Variants in PACSIN1 observed in about 807,000 individuals in gnomAD.
PACSIN1 encodes protein kinase C and casein kinase substrate in neurons 1.
In PACSIN1, 15 loss-of-function variants were observed where a neutral mutation model predicts 59.5. That is an observed-to-expected ratio of 0.25 (90% CI 0.17 to 0.39). PACSIN1 has a LOEUF of 0.39. PACSIN1 is among the 10% of genes least tolerant of loss of function. PACSIN1 has a pLI of 1.00. For missense variants in PACSIN1, 420 were observed against 580.2 expected (o/e 0.72, Z 2.84); for synonymous variants, 210 against 220.6 (o/e 0.95, Z 0.42).
rs1338798635 is a variant in PACSIN1 at position 34,516,317 on chromosome 6, A to C, written c.-63-9926A>C. On this transcript the variant is annotated intron_variant, in intron 1 of 9. Coordinates refer to ENST00000244458, the MANE Select transcript of PACSIN1 (RefSeq NM_020804.5). This position sits in a 1 kb window ranked among gnomAD's most constrained non-coding sequence, Gnocchi z 5.4. ...TCATTTCTGCAAACGTTAGACGCAC[A>C]TTCACAGAGTGCTGGACTCAGGGGC... 6.6e-6 allele frequency among the ~76,000 whole-genome samples: 1 copy of C among 152,182 alleles called. No homozygotes were observed. The highest frequency in any genetic ancestry group is 1.5e-5 in the Non-Finnish European group (1 of 68,012).
intron 1 of PACSIN1, among the ~76,000 whole-genome samples, chr6:34,510,338 C>T (rs902083987): frequency 6.6e-6 from 1 of 152,230 alleles, no homozygotes; most frequent in African/African-American, 2.4e-5. Context: ...AATGGCTTCC[C>T]TTCATACTTA....
At chr6:34,494,991 A>C (rs1766927667) in intron 1 of PACSIN1, among the ~76,000 whole-genome samples, 1 of 152,004 alleles carries the variant, frequency 6.6e-6, no homozygotes, top group African/African-American at 2.4e-5. Context: ...CATTCAAGTC[A>C]TTTGGCTCAG....
chr6:34,526,394 CG>C (rs1561970220), intron 2 of PACSIN1, 26 bp downstream of exon 2: 1 of 1,601,908 alleles, frequency 6.2e-7, no homozygotes, highest in South Asian at 1.1e-5. Context: ...TCCCCAGGTT[CG>C]GGGACCAGAC....
At chr6:34,478,441 C>T (rs560680368) in intron 1 of PACSIN1, among the ~76,000 whole-genome samples, 8 of 142,208 alleles carry the variant, frequency 5.6e-5, no homozygotes, top group Admixed American at 3.8e-4. Context: ...GGCACGATCT[C>T]GGCTCACTTC....
chr6:34,512,032 A>AGT (rs147564267), intron 1 of PACSIN1, among the ~76,000 whole-genome samples: 15 of 151,072 alleles, frequency 9.9e-5, no homozygotes, highest in Admixed American at 4.6e-4. Flanking sequence ...TTGGGCATGG[A>AGT]GTGTGTGTGT....
At position 34,503,266 on chromosome 6, in the gene PACSIN1, CAAAAAAA is replaced by C. The variant is rs200906223; in HGVS notation, c.-63-22969_-63-22963del. The stretch of plus-strand genomic sequence containing the variant: ...CCTCAGCATCAGAGCGAGATCCTGT[CAAAAAAA>C]AAAAAAAGAAAAAGAAAAAGAAAAA... On this transcript the variant is annotated intron_variant, in intron 1 of 9. Transcript: ENST00000244458. 1.3e-4 allele frequency among the ~76,000 whole-genome samples: 9 copies of C among 68,632 alleles called. No homozygotes were observed. The East Asian group carries it at 1.8e-3, about 13-fold the overall frequency. 45.0% of individuals were successfully genotyped at this position (68,632 alleles called of 152,430 possible). A position where few individuals can be genotyped will look rare whatever the true frequency, so the allele number is the denominator to read the frequency against.
In PACSIN1 at chr6:34,531,598, A is replaced by T; in HGVS notation, c.1038-2A>T. On this transcript the variant is annotated splice_acceptor_variant, in intron 8 of 9. Coordinates refer to ENST00000244458, the MANE Select transcript of PACSIN1 (RefSeq NM_020804.5). LOFTEE classifies it high-confidence loss of function. This position sits in a 1 kb window ranked among gnomAD's most constrained non-coding sequence, Gnocchi z 4.4. ...AAGCTGGCTCCTTCCTCCGCGTCTC[A>T]GTGTTAGCAGCTACGACAGAGGCCA... is the stretch of plus-strand genomic sequence containing the variant. 3 of 1,613,414 alleles carry T rather than the reference A, an allele frequency of 1.9e-6. No individual in the cohort carries two copies. Among genetic ancestry groups the T allele is most frequent in the Non-Finnish European group, 2.5e-6 (3 of 1,179,770 alleles).
intron 1 of PACSIN1, among the ~76,000 whole-genome samples, chr6:34,470,157 G>A (rs1581953387): frequency 6.6e-6 from 1 of 152,070 alleles, no homozygotes; most frequent in East Asian, 1.9e-4. Context: ...AAAACTGGGA[G>A]GGCAGGGGAG....
intron 1 of PACSIN1, among the ~76,000 whole-genome samples, chr6:34,497,237 C>T (rs1438503958): frequency 2.0e-5 from 3 of 151,908 alleles, no homozygotes; most frequent in Admixed American, 1.3e-4. Context: ...GGCTGAGCCC[C>T]GCGCCCAGCC....
Position 34,532,399 on chromosome 6 carries a change from C to T in PACSIN1, c.1226-22C>T. ...GAGGGGCAGCCTTCTCTCTGAGCCC[C>T]TCCCTGTGTTCTCTTTCCCAGGAGA... is the stretch of plus-strand genomic sequence containing the variant. On this transcript the variant is annotated intron_variant, in intron 9 of 9. Transcript: ENST00000244458. This position sits in a 1 kb window ranked among gnomAD's most constrained non-coding sequence, Gnocchi z 5.2. The T allele has an allele frequency of 6.6e-7, 1 of 1,515,030 alleles. No individual in the cohort carries two copies. The highest frequency in any genetic ancestry group is 1.2e-5 in the South Asian group (1 of 83,462). 93.8% of individuals were successfully genotyped at this position (1,515,030 alleles called of 1,614,324 possible). A position where few individuals can be genotyped will look rare whatever the true frequency, so the allele number is the denominator to read the frequency against.
rs1026161677 is a variant in PACSIN1 at position 34,531,899 on chromosome 6, G to A, written c.1225+112G>A. The A allele has an allele frequency of 1.1e-5, 11 of 1,030,538 alleles. No homozygotes were observed. The African/African-American group carries it at 1.2e-4, about 11-fold the overall frequency. 63.8% of individuals were successfully genotyped at this position (1,030,538 alleles called of 1,614,324 possible). A position where few individuals can be genotyped will look rare whatever the true frequency, so the allele number is the denominator to read the frequency against. On this transcript the variant is annotated intron_variant, in intron 9 of 9. Transcript: ENST00000244458. This position sits in a 1 kb window ranked among gnomAD's most constrained non-coding sequence, Gnocchi z 4.4. ...AGCTTGGGTCTGGATTGGGTGTGTG[G>A]TGGTGCAGGGGCGGTGCCTGAGAGA...
Position 34,532,913 on chromosome 6 carries a change from G to A in PACSIN1, c.*383G>A, listed in dbSNP as rs771445373. On this transcript the variant is annotated 3_prime_UTR_variant, in exon 10 of 10. Coordinates refer to ENST00000244458, the MANE Select transcript of PACSIN1 (RefSeq NM_020804.5). This position sits in a 1 kb window ranked among gnomAD's most constrained non-coding sequence, Gnocchi z 5.2. ...GCTGCCGGCACCTGCCCCATTCCCT[G>A]GCCTGGTTTCCTAACCTCTTCTTCC... The A allele has an allele frequency of 1.6e-4, 28 of 171,636 alleles. 1 individual carries two copies. Among genetic ancestry groups the A allele is most frequent in the Middle Eastern group, 2.5e-3 (1 of 400 alleles). The allele number at this position is 171,636 out of a possible 1,614,324, so 10.6% of individuals were successfully genotyped here.
At chr6:34,468,629 T>C (rs1356520177) in intron 1 of PACSIN1, among the ~76,000 whole-genome samples, 1 of 152,176 alleles carries the variant, frequency 6.6e-6, no homozygotes, top group Admixed American at 6.6e-5. Flanking sequence ...GCTGTTCCTG[T>C]CTCCTCCTCT....
chr6:34,515,505 G>T lies in PACSIN1; in HGVS notation c.-63-10738G>T, dbSNP rs1199759374. The stretch of plus-strand genomic sequence containing the variant: ...AGGCTCTGGCCATTTGGGATAAGCA[G>T]ACTCTCCTCCCACCCCCGATGACAC... On this transcript the variant is annotated intron_variant, in intron 1 of 9. Coordinates refer to ENST00000244458, the MANE Select transcript of PACSIN1 (RefSeq NM_020804.5). The surrounding 1 kb of genome is among the most constrained non-coding windows in gnomAD (Gnocchi z 4.4). 6.6e-6 allele frequency among the ~76,000 whole-genome samples: 1 copy of T among 152,130 alleles called. No homozygotes were observed. Among genetic ancestry groups the T allele is most frequent in the Non-Finnish European group, 1.5e-5 (1 of 68,012 alleles).
At position 34,529,589 on chromosome 6, in the gene PACSIN1, G is replaced by A. The variant is rs1190819726; in HGVS notation, c.612+37G>A. The A allele has an allele frequency of 6.2e-7, 1 of 1,613,030 alleles. No individual in the cohort carries two copies. The highest frequency in any genetic ancestry group is 8.5e-7 in the Non-Finnish European group (1 of 1,179,264). Reference sequence around the variant, plus strand: ...CAGGGATGGCAGTAGGGGGTCTGGGGGCCCCTTGCAGAGGGTGGTGGCTGG... The same window carrying A: ...CAGGGATGGCAGTAGGGGGTCTGGGAGCCCCTTGCAGAGGGTGGTGGCTGG... On this transcript the variant is annotated intron_variant, in intron 5 of 9. Coordinates refer to ENST00000244458, the MANE Select transcript of PACSIN1 (RefSeq NM_020804.5). The surrounding 1 kb of genome is among the most constrained non-coding windows in gnomAD (Gnocchi z 6.3).
chr6:34,532,567 A>T lies in PACSIN1; in HGVS notation c.*37A>T. 8.4e-7 allele frequency: 1 copy of T among 1,187,396 alleles called. No individual in the cohort carries two copies. The highest frequency in any genetic ancestry group is 1.2e-6 in the Non-Finnish European group (1 of 828,548). The allele number at this position is 1,187,396 out of a possible 1,614,324, so 73.6% of individuals were successfully genotyped here. On this transcript the variant is annotated 3_prime_UTR_variant, in exon 10 of 10. Coordinates refer to ENST00000244458, the MANE Select transcript of PACSIN1 (RefSeq NM_020804.5). The surrounding 1 kb of genome is among the most constrained non-coding windows in gnomAD (Gnocchi z 5.2). The stretch of plus-strand genomic sequence containing the variant: ...CTCCATACTCCCGTCACTCCTCCCC[A>T]CTGCCGCCCCTCCCCTCCCACTCTC...
intron 1 of PACSIN1, among the ~76,000 whole-genome samples, chr6:34,512,727 A>G (rs1767224316): frequency 6.6e-6 from 1 of 152,224 alleles, no homozygotes; most frequent in Non-Finnish European, 1.5e-5. Flanking sequence ...TTACGATCTC[A>G]TCCTGCCTTT....
rs916903747 is a variant in PACSIN1, at chr6:34,521,123, G to A, written c.-63-5120G>A. ...GCAGATAACCAGACAGATAAACACCGCTGACTGGACTAAGTGACATTCCTG... is the reference window on the plus strand; with the variant it reads ...GCAGATAACCAGACAGATAAACACCACTGACTGGACTAAGTGACATTCCTG... On this transcript the variant is annotated intron_variant, in intron 1 of 9. Transcript: ENST00000244458. This position sits in a 1 kb window ranked among gnomAD's most constrained non-coding sequence, Gnocchi z 4.3. Among the ~76,000 whole-genome samples the A allele has an allele frequency of 2.0e-5, 3 of 152,318 alleles. No homozygotes were observed. Among genetic ancestry groups the A allele is most frequent in the African/African-American group, 4.8e-5 (2 of 41,574 alleles).
intron 1 of PACSIN1, among the ~76,000 whole-genome samples, chr6:34,517,880 T>A (rs1053675355): frequency 2.6e-5 from 4 of 152,190 alleles, no homozygotes; most frequent in African/African-American, 9.7e-5. Flanking sequence ...TTTTCTGTCT[T>A]GTTCACTGCT....
Sources: gnomAD v4.1 joint callset for allele counts (sites outside exome capture counted in the v4.1 genomes callset) on GRCh38, gnomAD v4.1.1 for gene constraint, Gnocchi (gnomAD v3.1) non-coding constraint, MANE v1.5 for transcripts, NCBI Gene and HGNC (gene_info 2026-07-23, HGNC 2026-07-21) for gene names.